The following TMEM132C variants were observed in gnomAD, a reference collection of about 807,000 sequenced individuals.
TMEM132C encodes the protein protein phosphatase 1, regulatory subunit 152.
A neutral mutation model predicts 61.4 loss-of-function variants in TMEM132C; 29 were observed. The ratio of observed to expected loss-of-function variants is 0.47; its 90% confidence interval spans 0.35 to 0.64. The LOEUF is 0.64. TMEM132C is among the 30% of genes least tolerant of loss of function. The pLI, the probability that TMEM132C is intolerant of heterozygous loss-of-function variation, is 0.00. For synonymous variants in TMEM132C, 656 were observed against 633.1 expected (o/e 1.04, Z -0.54); for missense variants, 1,408 against 1,476.9 (o/e 0.95, Z 0.76).
chr12:128,397,633 A>C (rs1229151133), intron 1 of TMEM132C, among the ~76,000 whole-genome samples: 1 of 152,156 alleles, frequency 6.6e-6, no homozygotes, highest in Non-Finnish European at 1.5e-5. Flanking sequence ...CCCTTGGGAC[A>C]TTGCCTCCTC....
intron 2 of TMEM132C, among the ~76,000 whole-genome samples, chr12:128,456,876 G>A (rs1483935495): frequency 6.6e-6 from 1 of 152,080 alleles, no homozygotes; most frequent in Non-Finnish European, 1.5e-5. Flanking sequence ...GTTGAGTTTT[G>A]CCTCTTCTTT....
intron 2 of TMEM132C, among the ~76,000 whole-genome samples, chr12:128,510,091 T>G (rs1872520999): frequency 1.3e-5 from 2 of 152,024 alleles, no homozygotes; most frequent in South Asian, 4.2e-4. Context: ...CTGCCTGGAG[T>G]CAAGGACATA....
intron 2 of TMEM132C, among the ~76,000 whole-genome samples, chr12:128,484,306 A>T (rs768200799): frequency 1.3e-5 from 2 of 152,196 alleles, no homozygotes; most frequent in Non-Finnish European, 2.9e-5. Flanking sequence ...GGAATGGAGC[A>T]GAATGAAACA....
intron 1 of TMEM132C, among the ~76,000 whole-genome samples, chr12:128,291,842 G>T (rs544966316): frequency 5.9e-5 from 9 of 152,218 alleles, no homozygotes; most frequent in Non-Finnish European, 1.3e-4. Flanking sequence ...AGTGGGGAAA[G>T]CCACAGTGCT....
chr12:128,697,226 G>C lies in TMEM132C; in HGVS notation c.1932G>C (p.Val644=). 6.6e-7 allele frequency: 1 copy of C among 1,509,594 alleles called. No individual in the cohort carries two copies. Among genetic ancestry groups the C allele is most frequent in the South Asian group, 1.3e-5 (1 of 79,952 alleles). 93.5% of individuals were successfully genotyped at this position (1,509,594 alleles called of 1,614,324 possible). A position where few individuals can be genotyped will look rare whatever the true frequency, so the allele number is the denominator to read the frequency against. Residue 644 remains valine, a splice_region_variant and synonymous_variant, in exon 8 of 9, where the codon GTG becomes GTC. Coordinates refer to ENST00000435159, the MANE Select transcript of TMEM132C (RefSeq NM_001136103.3). ...GREVGMTTIQ[V]LSPLSDSILA... ...CTTGTGTCCTGCCAATCCCACAGGT[G>C]TTGTCTCCACTGTCTGACTCCATCC... is the stretch of plus-strand genomic sequence containing the variant.
Position 128,381,225 on chromosome 12 carries a change from T to C in TMEM132C, c.86-33507T>C, listed in dbSNP as rs1320271095. On this transcript the variant is annotated intron_variant, in intron 1 of 8. Transcript: ENST00000435159. ...CAAAACTGTCTCTGCACCGCCTTAT[T>C]GGGGGAATGCCCGTGAAAGTACCAG... is the stretch of plus-strand genomic sequence containing the variant. 2.0e-5 allele frequency among the ~76,000 whole-genome samples: 3 copies of C among 152,194 alleles called. No individual in the cohort carries two copies. In the East Asian group the frequency reaches 5.8e-4, roughly 29 times the overall value.
intron 1 of TMEM132C, among the ~76,000 whole-genome samples, chr12:128,302,733 A>G (rs892724811): frequency 1.5e-4 from 23 of 152,364 alleles, no homozygotes; most frequent in Non-Finnish European, 2.6e-4. Context: ...TATCTACATG[A>G]CACAATAGCA....
At chr12:128,439,573 T>C (rs1243644345) in intron 2 of TMEM132C, among the ~76,000 whole-genome samples, 2 of 152,238 alleles carry the variant, frequency 1.3e-5, no homozygotes, top group African/African-American at 2.4e-5. Context: ...CAATACTTTA[T>C]ATCTTAGGAA....
At chr12:128,454,122 G>A (rs1870268404) in intron 2 of TMEM132C, among the ~76,000 whole-genome samples, 1 of 152,202 alleles carries the variant, frequency 6.6e-6, no homozygotes, top group Admixed American at 6.5e-5. Context: ...TAACCAAAGT[G>A]TACTCGTGAG....
chr12:128,356,250 T>A (rs1873501639), intron 1 of TMEM132C, among the ~76,000 whole-genome samples: 1 of 152,156 alleles, frequency 6.6e-6, no homozygotes, highest in Non-Finnish European at 1.5e-5. Context: ...AGGCTGACTT[T>A]GTAAGAAGCC....
intron 2 of TMEM132C, among the ~76,000 whole-genome samples, chr12:128,505,444 G>T (rs778138850): frequency 6.6e-6 from 1 of 152,178 alleles, no homozygotes; most frequent in Non-Finnish European, 1.5e-5. Flanking sequence ...TGCCAAGATT[G>T]CAATCAAAGG....
rs1021332804 is a variant in TMEM132C at position 128,641,962 on chromosome 12, T to A, written c.1305+25627T>A. Among the ~76,000 whole-genome samples the A allele has an allele frequency of 7.8e-5, 5 of 64,364 alleles. No homozygotes were observed. The East Asian group carries it at 1.5e-3, about 19-fold the overall frequency. The allele number at this position is 64,364 out of a possible 152,430, so 42.2% of individuals were successfully genotyped here. On this transcript the variant is annotated intron_variant, in intron 4 of 8. Transcript: ENST00000435159. Reference sequence around the variant, plus strand: ...GGTGTGCACCACCATGCCCGGCTAATTTTTTTTTTTTTTTTTTTGTATTTT... The same window carrying A: ...GGTGTGCACCACCATGCCCGGCTAAATTTTTTTTTTTTTTTTTTGTATTTT...
chr12:128,521,060 C>T (rs866082852), intron 2 of TMEM132C, among the ~76,000 whole-genome samples: 24 of 152,184 alleles, frequency 1.6e-4, no homozygotes, highest in African/African-American at 1.9e-4. Context: ...AGCCACCCTT[C>T]GCGTTTCTCT....
intron 3 of TMEM132C, among the ~76,000 whole-genome samples, chr12:128,567,334 G>A (rs1282193821): frequency 3.3e-5 from 5 of 152,032 alleles, no homozygotes; most frequent in Admixed American, 3.3e-4. Context: ...GGATTTAGTA[G>A]TTCAATGTAT....
chr12:128,625,862 T>G (rs1954010456), intron 4 of TMEM132C, among the ~76,000 whole-genome samples: 4 of 152,100 alleles, frequency 2.6e-5, no homozygotes, highest in African/African-American at 9.7e-5. Context: ...ACCTTGGGGG[T>G]TGGCATTTCA....
intron 4 of TMEM132C, among the ~76,000 whole-genome samples, chr12:128,621,697 T>C (rs1468248845): frequency 6.6e-6 from 1 of 152,196 alleles, no homozygotes; most frequent in Non-Finnish European, 1.5e-5. Context: ...CTGATGTGTG[T>C]CTTGCGGGCG....
chr12:128,506,984 C>T (rs2136114212), intron 2 of TMEM132C, among the ~76,000 whole-genome samples: 1 of 152,166 alleles, frequency 6.6e-6, no homozygotes, highest in African/African-American at 2.4e-5. Flanking sequence ...TCCTACCACC[C>T]CAGGAGAGCA....
chr12:128,600,918 A>G (rs1477694262), intron 3 of TMEM132C, among the ~76,000 whole-genome samples: 1 of 152,246 alleles, frequency 6.6e-6, no homozygotes, highest in Non-Finnish European at 1.5e-5. Context: ...CTTAGCAGTT[A>G]GTGCTACCAC....
Position 128,503,687 on chromosome 12 carries a change from G to T in TMEM132C, c.975-40270G>T, listed in dbSNP as rs571430335. Among the ~76,000 whole-genome samples, 6 of 152,310 alleles carry T rather than the reference G, an allele frequency of 3.9e-5. No individual in the cohort carries two copies. In the East Asian group the frequency reaches 1.2e-3, roughly 29 times the overall value. On this transcript the variant is annotated intron_variant, in intron 2 of 8. Coordinates refer to ENST00000435159, the MANE Select transcript of TMEM132C (RefSeq NM_001136103.3). ...TCCCATCATCAATGTCATGAGGAAG[G>T]TTCTATCGTTCTCTCTGTTACACAG...
Sources: gnomAD v4.1 joint callset for allele counts (sites outside exome capture counted in the v4.1 genomes callset) on GRCh38, gnomAD v4.1.1 for gene constraint, MANE v1.5 for transcripts, NCBI Gene and HGNC (gene_info 2026-07-23, HGNC 2026-07-21) for gene names.